The following RNF19A variants were observed in gnomAD, a reference collection of about 807,000 sequenced individuals.
The protein encoded by RNF19A is E3 ubiquitin-protein ligase RNF19A.
RNF19A carries 32 observed loss-of-function variants against 75.7 expected under a neutral mutation model. The ratio of observed to expected loss-of-function variants is 0.42; its 90% CI spans 0.32 to 0.57. RNF19A has a LOEUF of 0.57. Among genes scored for constraint, RNF19A ranks in the 20% least tolerant of loss-of-function variants. The probability of loss-of-function intolerance (pLI) is 0.10; values close to 1 mark genes in which losing one functional copy is unlikely to be tolerated. For synonymous variants in RNF19A, 335 were observed against 345.2 expected, an observed-to-expected ratio of 0.97 and a Z score of 0.33; for missense variants, 782 against 1,036.3, an observed-to-expected ratio of 0.75 and a Z score of 3.37.
intron 2 of RNF19A, among the ~76,000 whole-genome samples, chr8:100,280,555 C>G (rs966231237): frequency 6.6e-6 from 1 of 152,180 alleles, no homozygotes; most frequent in Non-Finnish European, 1.5e-5. Context: ...TCAAGTCTTA[C>G]TGAATTTATA....
chr8:100,310,351 C>G (rs1413277933), upstream of RNF19A: 1 of 661,560 alleles, frequency 1.5e-6, no homozygotes, highest in African/African-American at 2.0e-5. Context: ...GCGGAGGGGA[C>G]TTCGCCTCGA....
chr8:100,259,056 AT>A lies in RNF19A; in HGVS notation c.2016del (p.Lys672AsnfsTer7). ...TTTTTCCTCAGTTTACCACTTTTTG[AT>A]TTTTTCCCTGCTGTTGCTTCTTTGG... ...KWSKEATAGK[K>X]SKSGKLRKKG... is the part of the protein sequence containing the mutation. On this transcript the variant is annotated frameshift_variant, in exon 10 of 10. Transcript: ENST00000341084. LOFTEE classifies it high-confidence loss of function. This position sits in a 1 kb window ranked among gnomAD's most constrained non-coding sequence, Gnocchi z 4.5. 1 of 1,613,532 alleles carries A rather than the reference AT, an allele frequency of 6.2e-7. No individual in the cohort carries two copies. Among genetic ancestry groups the A allele is most frequent in the Non-Finnish European group, 8.5e-7 (1 of 1,179,920 alleles).
chr8:100,309,147 C>T (rs1344000162), intron 1 of RNF19A, among the ~76,000 whole-genome samples: 2 of 152,104 alleles, frequency 1.3e-5, no homozygotes, highest in Admixed American at 6.5e-5. Context: ...TATTACTTGC[C>T]GGGCGAGGGC....
intron 3 of RNF19A, among the ~76,000 whole-genome samples, chr8:100,272,961 G>C (rs1820330092): frequency 6.6e-6 from 1 of 151,922 alleles, no homozygotes; most frequent in South Asian, 2.1e-4. Flanking sequence ...GACTTCCTAG[G>C]CTCAAACGAT....
chr8:100,266,349 TG>T (rs1272638642), intron 5 of RNF19A, among the ~76,000 whole-genome samples: 1 of 152,214 alleles, frequency 6.6e-6, no homozygotes, highest in Non-Finnish European at 1.5e-5. Context: ...ACCTGAACAA[TG>T]AGGTAAATAA....
upstream of RNF19A, among the ~76,000 whole-genome samples, chr8:100,312,728 A>T (rs148586544): frequency 0.073 from 11,075 of 152,062 alleles, 1,197 homozygotes; most frequent in African/African-American, 0.23. Flanking sequence ...GTTTGATACC[A>T]GCCGGGACAA....
Position 100,331,453 on chromosome 8 carries a change from T to C in RNF19A, c.-243+4655A>G, listed in dbSNP as rs1014562309. Among the ~76,000 whole-genome samples, 2 of 151,898 alleles carry C rather than the reference T, an allele frequency of 1.3e-5. No homozygotes were observed. Among genetic ancestry groups the C allele is most frequent in the Non-Finnish European group, 2.9e-5 (2 of 67,962 alleles). ...GAGTTTGGGACCAGCCTGGACAACATGGTGAAACTCCATCTCTACAAAATA... is the reference window on the plus strand; with the variant it reads ...GAGTTTGGGACCAGCCTGGACAACACGGTGAAACTCCATCTCTACAAAATA... On this transcript the variant is annotated intron_variant, in intron 1 of 3. Coordinates refer to the RNF19A transcript ENST00000519527. This position sits in a 1 kb window ranked among gnomAD's most constrained non-coding sequence, Gnocchi z 5.2.
intron 3 of RNF19A, among the ~76,000 whole-genome samples, chr8:100,271,563 G>A (rs796462874): frequency 1.3e-5 from 2 of 152,226 alleles, no homozygotes; most frequent in African/African-American, 4.8e-5. Context: ...GCAATCTTTG[G>A]AACAAACTGA....
In RNF19A at chr8:100,259,098, T is replaced by G. The variant is rs769122984; in HGVS notation, c.1975A>C (p.Ser659Arg). ...GCTTCTTTGGACCACTTGGTGGCAC[T>G]AGATTTACCTTCAGGCAAGCCACTG... Reference protein sequence around the residue: ...SSSGLPEGKSSATKWSKEATA... With the variant: ...SSSGLPEGKSRATKWSKEATA... The change falls in exon 10 of 10, where the codon AGT becomes CGT. Residue 659 changes from serine to arginine, a missense_variant. Around this residue, in one of 7 missense-constraint regions of RNF19A, gnomAD observed 442 missense variants for 541.6 expected, o/e 0.82. Transcript: ENST00000341084. This position sits in a 1 kb window ranked among gnomAD's most constrained non-coding sequence, Gnocchi z 4.5. The G allele has an allele frequency of 1.9e-6, 3 of 1,614,196 alleles. No individual in the cohort carries two copies. The South Asian group carries it at 3.3e-5, about 18-fold the overall frequency.
intron 2 of RNF19A, among the ~76,000 whole-genome samples, chr8:100,279,415 C>A (rs1820678308): frequency 6.6e-6 from 1 of 152,024 alleles, no homozygotes; most frequent in African/African-American, 2.4e-5. Context: ...ACTCCGTCAC[C>A]CAGGCTGGAG....
rs1256161839 is a variant in RNF19A at position 100,287,779 on chromosome 8, G to A, written c.396C>T (p.Cys132=). The change falls in exon 2 of 10, where the codon TGC becomes TGT. Residue 132 remains cysteine (C), a synonymous_variant. Coordinates refer to ENST00000341084, the MANE Select transcript of RNF19A (RefSeq NM_183419.4). This position sits in a 1 kb window ranked among gnomAD's most constrained non-coding sequence, Gnocchi z 4.1. ...ISKQIGDFIE[C]PLCLLRHSKD... is the part of the protein sequence containing the mutation. ...TAGAATGCCGCAAAAGGCACAAAGG[G>A]CACTCTATGAAGTCTCCAATTTGTT... The A allele has an allele frequency of 6.2e-7, 1 of 1,614,108 alleles. No homozygotes were observed. The highest frequency in any genetic ancestry group is 1.7e-5 in the Admixed American group (1 of 60,026).
Position 100,309,883 on chromosome 8 carries a change from C to T in RNF19A, c.-110G>A. The T allele has an allele frequency of 2.0e-6, 2 of 985,730 alleles. No homozygotes were observed. Among genetic ancestry groups the T allele is most frequent in the Non-Finnish European group, 2.4e-6 (2 of 830,162 alleles). The allele number at this position is 985,730 out of a possible 1,614,324, so 61.1% of individuals were successfully genotyped here. On this transcript the variant is annotated 5_prime_UTR_variant, in exon 1 of 10. Transcript: ENST00000341084. ...CGCCCGTACCTTTAACTCCTCAGAG[C>T]GGCGGCAGCGCAGGGTGGCGGGCGA...
intron 1 of RNF19A, chr8:100,309,205 C>T: frequency 1.7e-6 from 1 of 579,420 alleles, no homozygotes; most frequent in South Asian, 7.5e-5. Context: ...CCGGAAGACC[C>T]CCGTTAACAC....
intron 1 of RNF19A, among the ~76,000 whole-genome samples, chr8:100,292,585 A>G (rs906476724): frequency 1.3e-5 from 2 of 152,132 alleles, no homozygotes; most frequent in Non-Finnish European, 2.9e-5. Context: ...CAGCCTTAGA[A>G]AGCCTTGCCC....
At chr8:100,313,367 TG>T, upstream of RNF19A, 1 of 973,482 alleles carries the variant, frequency 1.0e-6, no homozygotes, top group Non-Finnish European at 1.2e-6. Flanking sequence ...ACATTTGAGC[TG>T]GATTCTATAA....
chr8:100,290,546 G>A (rs1821245761), intron 1 of RNF19A, among the ~76,000 whole-genome samples: 1 of 152,102 alleles, frequency 6.6e-6, no homozygotes, highest in South Asian at 2.1e-4. Flanking sequence ...ATTAACATGT[G>A]TTCTCTGGAA....
rs1004534426 is a variant in RNF19A, at chr8:100,332,375, C to T, written c.-243+3733G>A. On this transcript the variant is annotated intron_variant, in intron 1 of 3. Coordinates refer to the RNF19A transcript ENST00000519527. This position sits in a 1 kb window ranked among gnomAD's most constrained non-coding sequence, Gnocchi z 4.8. ...GTGTCTGGCATTTCCCTTGTTTGCA[C>T]TTCTTTCTCTCCTGCCGCCTTGTGA... 3.9e-5 allele frequency among the ~76,000 whole-genome samples: 6 copies of T among 152,230 alleles called. No homozygotes were observed. Among genetic ancestry groups the T allele is most frequent in the Non-Finnish European group, 8.8e-5 (6 of 68,034 alleles).
At position 100,322,718 on chromosome 8, in the gene RNF19A, C is replaced by T. The variant is rs1367114298; in HGVS notation, c.-242-9346G>A. ...GTGAGAGGCATGCAACTCTTCCTTTCACCTGAACACTTAGATGTCATTGTA... is the reference window on the plus strand; with the variant it reads ...GTGAGAGGCATGCAACTCTTCCTTTTACCTGAACACTTAGATGTCATTGTA... On this transcript the variant is annotated intron_variant, in intron 1 of 3. Transcript: ENST00000519527. This position sits in a 1 kb window ranked among gnomAD's most constrained non-coding sequence, Gnocchi z 5.1. Among the ~76,000 whole-genome samples, 6 of 152,202 alleles carry T rather than the reference C, an allele frequency of 3.9e-5. No homozygotes were observed. Among genetic ancestry groups the T allele is most frequent in the Admixed American group, 6.5e-5 (1 of 15,274 alleles).
chr8:100,315,625 A>T (rs1239273840), intron 1 of RNF19A, among the ~76,000 whole-genome samples: 3 of 152,120 alleles, frequency 2.0e-5, no homozygotes, highest in Non-Finnish European at 4.4e-5. Context: ...CAGCAGGGTC[A>T]TGGAAATTTT....
Sources: gnomAD v4.1 joint callset for allele counts (sites outside exome capture counted in the v4.1 genomes callset) on GRCh38, gnomAD v4.1.1 for gene constraint, gnomAD v4.1.1 regional missense constraint, Gnocchi (gnomAD v3.1) non-coding constraint, MANE v1.5 for transcripts, NCBI Gene and HGNC (gene_info 2026-07-23, HGNC 2026-07-21) for gene names.